RIF1: variants seen among roughly 807,000 people sequenced by gnomAD.
RIF1 encodes replication timing regulatory factor 1.
A neutral mutation model predicts 247.1 loss-of-function variants in RIF1; 45 were observed. The observed-to-expected ratio is 0.18, with a 90% confidence interval of 0.14 to 0.23. The LOEUF is 0.23. RIF1 is among the 10% of genes least tolerant of loss of function. The pLI, the probability that RIF1 is intolerant of heterozygous loss-of-function variation, is 1.00. For missense variants in RIF1, 2,967 were observed against 2,862.5 expected (o/e 1.04, Z -0.83); for synonymous variants, 1,087 against 978.8 (o/e 1.11, Z -2.06).
downstream of RIF1, among the ~76,000 whole-genome samples, chr2:151,508,958 T>C (rs544923426): frequency 1.1e-4 from 16 of 152,370 alleles, no homozygotes; most frequent in South Asian, 2.9e-3. Context: ...CTTGTCACTG[T>C]CCTTTCACTT....
In RIF1 at chr2:151,488,589, C is replaced by T. The variant is rs181871556; in HGVS notation, c.*415+5254C>T. ...TGAGTCCATGAAGTCGAGACTGCAG[C>T]GAGCTGTGATCATGCCACCACACTG... is the stretch of plus-strand genomic sequence containing the variant. On this transcript the variant is annotated intron_variant and NMD_transcript_variant, in intron 9 of 13. Transcript: ENST00000454583. 2.2e-3 allele frequency among the ~76,000 whole-genome samples: 336 copies of T among 152,002 alleles called. 2 individuals are homozygous for T. The highest frequency in any genetic ancestry group is 7.6e-3 in the African/African-American group (316 of 41,450).
Position 151,443,328 on chromosome 2 carries a change from A to AGGT in RIF1, c.1805_1805+2dup. The AGGT allele has an allele frequency of 6.3e-7, 1 of 1,578,178 alleles. No homozygotes were observed. The highest frequency in any genetic ancestry group is 8.7e-7 in the Non-Finnish European group (1 of 1,149,328). Reference sequence around the variant, plus strand: ...CTTGGAATGTGGTGTATCAGATGAAAGGTAAGTTTGTACTTTAACTTGAAA... The same window carrying AGGT: ...CTTGGAATGTGGTGTATCAGATGAAAGGTGGTAAGTTTGTACTTTAACTTGAAA... On this transcript the variant is annotated inframe_insertion and splice_region_variant, in exon 17 of 36. Transcript: ENST00000444746.
downstream of RIF1, among the ~76,000 whole-genome samples, chr2:151,511,974 T>C (rs919516015): frequency 6.6e-6 from 1 of 151,672 alleles, no homozygotes; most frequent in Non-Finnish European, 1.5e-5. Flanking sequence ...TTAAAAGAGT[T>C]CTTCACTACC....
the RIF1 span, chr2:151,519,057 C>T: frequency 1.9e-6 from 3 of 1,609,836 alleles, no homozygotes; most frequent in Non-Finnish European, 2.6e-6. Flanking sequence ...TTCAGGTCAG[C>T]CTTGTATTTA....
chr2:151,515,891 A>G, the RIF1 span, among the ~76,000 whole-genome samples: 169 of 152,328 alleles, frequency 1.1e-3, no homozygotes, highest in African/African-American at 3.8e-3. Context: ...GCAAATGGAA[A>G]TTCCAAATAA....
the RIF1 span, chr2:151,533,667 A>G: frequency 2.3e-4 from 150 of 640,578 alleles, 1 homozygote; most frequent in Non-Finnish European, 3.4e-4. Context: ...ATGTACTCAC[A>G]TATGTGCGGG....
chr2:151,420,186 A>G lies in RIF1; in HGVS notation c.504-4A>G. 6.2e-7 allele frequency: 1 copy of G among 1,612,084 alleles called. No individual in the cohort carries two copies. Reference sequence around the variant, plus strand: ...CTAATTATTCATTGATTTCTCTATTATAGGCTAATTGAACAAGCCCCAATT... The same window carrying G: ...CTAATTATTCATTGATTTCTCTATTGTAGGCTAATTGAACAAGCCCCAATT... On this transcript the variant is annotated splice_polypyrimidine_tract_variant and splice_region_variant and intron_variant, in intron 6 of 35. Transcript: ENST00000444746.
At chr2:151,410,296 C>A in intron 1 of RIF1, 118 bp from the exon 2 acceptor site, 1 of 757,092 alleles carries the variant, frequency 1.3e-6, no homozygotes. Flanking sequence ...GGTGCAGACG[C>A]GGCGTGGCTG....
intron 8 of RIF1, among the ~76,000 whole-genome samples, chr2:151,428,540 T>C (rs539670861): frequency 2.6e-5 from 4 of 152,300 alleles, no homozygotes; most frequent in South Asian, 2.1e-4. Flanking sequence ...CTTCAAACTT[T>C]ATATATTTTG....
chr2:151,437,232 C>A lies in RIF1; in HGVS notation c.1373-9C>A. On this transcript the variant is annotated splice_polypyrimidine_tract_variant and intron_variant, in intron 12 of 35. Coordinates refer to ENST00000444746, the MANE Select transcript of RIF1 (RefSeq NM_018151.5). ...TTTTACATAATTATCTTTTATTCTT[C>A]CCTTTCAGAGCCATTGGAACATCCG... The A allele has an allele frequency of 6.3e-7, 1 of 1,586,316 alleles. No homozygotes were observed. Among genetic ancestry groups the A allele is most frequent in the South Asian group, 1.1e-5 (1 of 89,774 alleles).
At chr2:151,427,306 G>A (rs1469692904) in intron 8 of RIF1, among the ~76,000 whole-genome samples, 1 of 151,696 alleles carries the variant, frequency 6.6e-6, no homozygotes, top group Admixed American at 6.6e-5. Flanking sequence ...GGCCTCTCAG[G>A]TTCAAGTGAT....
the RIF1 span, chr2:151,534,298 C>T: frequency 4.3e-6 from 7 of 1,613,340 alleles, no homozygotes; most frequent in Admixed American, 5.0e-5. Context: ...TTCCGCTGCT[C>T]ATAATCAGCT....
At chr2:151,427,289 C>G (rs994675298) in intron 8 of RIF1, among the ~76,000 whole-genome samples, 1 of 151,782 alleles carries the variant, frequency 6.6e-6, no homozygotes, top group Admixed American at 6.6e-5. Flanking sequence ...CGGCTCACTG[C>G]AGCCTCGGCC....
At chr2:151,430,634 A>C (rs1382386098) in intron 9 of RIF1, among the ~76,000 whole-genome samples, 1 of 151,950 alleles carries the variant, frequency 6.6e-6, no homozygotes, top group East Asian at 1.9e-4. Context: ...AATTACTTTT[A>C]TTTAAAATAC....
rs1328434663 is a variant in RIF1, at chr2:151,420,214, A to C, written c.528A>C (p.Gln176His). The C allele has an allele frequency of 6.2e-7, 1 of 1,613,736 alleles. No homozygotes were observed. The highest frequency in any genetic ancestry group is 1.7e-5 in the Admixed American group (1 of 59,980). Residue 176 changes from glutamine to histidine, a missense_variant, in exon 7 of 36, where the codon CAA (glutamine) becomes CAC (histidine). Transcript: ENST00000444746. ...IVRLIEQAPI[Q>H]MGEEAVRWAK... ...GGCTAATTGAACAAGCCCCAATTCA[A>C]ATGGGAGAAGAGGCAGTGAGGTGGG...
At chr2:151,494,525 C>G (rs2058789301) in intron 9 of RIF1, among the ~76,000 whole-genome samples, 1 of 152,194 alleles carries the variant, frequency 6.6e-6, no homozygotes. Flanking sequence ...CATTTTACCG[C>G]TAGTCTCTCA....
At chr2:151,474,205 A>C (rs2048798697) in intron 35 of RIF1, 133 bp downstream of exon 35, 2 of 622,214 alleles carry the variant, frequency 3.2e-6, no homozygotes, top group Non-Finnish European at 2.9e-6. Context: ...GAAGTATATG[A>C]AAAACTAACC....
chr2:151,530,176 C>T, the RIF1 span, among the ~76,000 whole-genome samples: 977 of 152,288 alleles, frequency 6.4e-3, 10 homozygotes, highest in Non-Finnish European at 8.4e-3. Context: ...CTGATGAATA[C>T]AGCAATCATT....
chr2:151,467,319 T>C lies in RIF1; in HGVS notation c.6601-681T>C, dbSNP rs557969404. Among the ~76,000 whole-genome samples the C allele has an allele frequency of 1.6e-4, 24 of 152,302 alleles. No homozygotes were observed. The Middle Eastern group carries it at 0.01, about 65-fold the overall frequency. Reference sequence around the variant, plus strand: ...ACACTGAAAATTCTTCTGCTGAGAATCTAGAGATTAAGTTGTTTTTTGTTT... The same window carrying C: ...ACACTGAAAATTCTTCTGCTGAGAACCTAGAGATTAAGTTGTTTTTTGTTT... On this transcript the variant is annotated intron_variant, in intron 30 of 35. Transcript: ENST00000444746.
Sources: allele counts gnomAD v4.1 joint callset (sites outside exome capture counted in the v4.1 genomes callset), GRCh38; gene constraint gnomAD v4.1.1; transcripts MANE v1.5; gene names NCBI Gene and HGNC (gene_info 2026-07-23, HGNC 2026-07-21).